TNFSF4: variants seen among roughly 807,000 people sequenced by gnomAD.
TNFSF4 encodes the protein TNF superfamily member 4.
TNFSF4 carries 4 observed loss-of-function variants against 7.3 expected under a neutral mutation model. The observed-to-expected ratio is 0.55, with a 90% CI of 0.27 to 1.25. The LOEUF (loss-of-function observed/expected upper bound fraction) is 1.25. TNFSF4 is among the 50% of genes most tolerant of loss of function. TNFSF4 has a pLI of 0.12. For missense variants in TNFSF4, 181 were observed against 208.8 expected (o/e 0.87, Z 0.82); for synonymous variants, 76 against 83.7 (o/e 0.91, Z 0.50).
the TNFSF4 span, among the ~76,000 whole-genome samples, chr1:173,439,470 C>T: frequency 2.0e-5 from 3 of 152,194 alleles, no homozygotes; most frequent in African/African-American, 7.2e-5. Context: ...AGCCTCTGCC[C>T]ACCTGCAGCA....
chr1:173,318,567 C>A, the TNFSF4 span, among the ~76,000 whole-genome samples: 42 of 152,138 alleles, frequency 2.8e-4, no homozygotes, highest in African/African-American at 9.6e-4. Context: ...CAAATTTCAA[C>A]CTCATCAATA....
At chr1:173,367,405 C>T in the TNFSF4 span, among the ~76,000 whole-genome samples, 3 of 152,274 alleles carry the variant, frequency 2.0e-5, no homozygotes, top group Non-Finnish European at 4.4e-5. Flanking sequence ...TGCAAGATCA[C>T]GTAGTAATAA....
the TNFSF4 span, among the ~76,000 whole-genome samples, chr1:173,412,380 A>T: frequency 6.6e-6 from 1 of 152,242 alleles, no homozygotes; most frequent in East Asian, 1.9e-4. Context: ...TTCGTCCTTC[A>T]AAGTCATTAA....
the TNFSF4 span, among the ~76,000 whole-genome samples, chr1:173,430,229 TATTTA>T: frequency 6.6e-6 from 1 of 152,352 alleles, no homozygotes; most frequent in African/African-American, 2.4e-5. Flanking sequence ...GAATCTTCTT[TATTTA>T]CTCAGCCAGG....
chr1:173,236,416 C>CAA, the TNFSF4 span, among the ~76,000 whole-genome samples: 1,146 of 110,042 alleles, frequency 0.01, 16 homozygotes, highest in East Asian at 0.049. Context: ...CCAGTTATTT[C>CAA]AAAAAAAAAA....
the TNFSF4 span, among the ~76,000 whole-genome samples, chr1:173,306,282 T>C: frequency 1.3e-5 from 2 of 151,872 alleles, no homozygotes. Context: ...CTCATCAACT[T>C]TAAAACTTCT....
At chr1:173,203,944 A>C (rs1242674850) in intron 1 of TNFSF4, among the ~76,000 whole-genome samples, 3 of 152,164 alleles carry the variant, frequency 2.0e-5, no homozygotes, top group African/African-American at 4.8e-5. Flanking sequence ...AACAGTGTGT[A>C]TTGGTTTTGG....
the TNFSF4 span, among the ~76,000 whole-genome samples, chr1:173,429,041 A>C: frequency 2.0e-5 from 3 of 151,808 alleles, no homozygotes; most frequent in African/African-American, 4.8e-5. Flanking sequence ...AAGAAATAAC[A>C]TATCAAATTT....
At chr1:173,279,782 C>T in the TNFSF4 span, among the ~76,000 whole-genome samples, 1 of 152,114 alleles carries the variant, frequency 6.6e-6, no homozygotes, top group African/African-American at 2.4e-5. Flanking sequence ...AGTGCTACTA[C>T]CTTTTTTCAG....
chr1:173,378,141 AG>A, the TNFSF4 span, among the ~76,000 whole-genome samples: 5 of 152,310 alleles, frequency 3.3e-5, no homozygotes, highest in Non-Finnish European at 7.4e-5. Flanking sequence ...CTTGTGGTCT[AG>A]GAGGAAAACT....
At chr1:173,448,190 C>T in the TNFSF4 span, among the ~76,000 whole-genome samples, 1 of 152,174 alleles carries the variant, frequency 6.6e-6, no homozygotes. Flanking sequence ...ACTTTCCTCT[C>T]ACAGTAATTG....
the TNFSF4 span, among the ~76,000 whole-genome samples, chr1:173,250,491 GCT>G: frequency 2.7e-5 from 4 of 146,460 alleles, no homozygotes; most frequent in African/African-American, 1.0e-4. Flanking sequence ...ACGGAGTCTC[GCT>G]CTGTCACCCG....
chr1:173,426,508 C>A, the TNFSF4 span, among the ~76,000 whole-genome samples: 7 of 152,300 alleles, frequency 4.6e-5, no homozygotes, highest in East Asian at 1.3e-3. Flanking sequence ...AGGGACTTTG[C>A]AACTATGATT....
chr1:173,199,354 T>C (rs7519632), intron 1 of TNFSF4, among the ~76,000 whole-genome samples: 5,287 of 152,270 alleles, frequency 0.035, 126 homozygotes, highest in Admixed American at 0.046. Context: ...AATAGGGTCT[T>C]TGTAGATAGA....
the TNFSF4 span, among the ~76,000 whole-genome samples, chr1:173,324,834 C>A: frequency 2.0e-5 from 3 of 152,158 alleles, no homozygotes; most frequent in Non-Finnish European, 2.9e-5. Context: ...TATATATACA[C>A]CCAATACAGG....
the TNFSF4 span, among the ~76,000 whole-genome samples, chr1:173,425,154 C>T: frequency 2.0e-5 from 3 of 152,118 alleles, no homozygotes; most frequent in Admixed American, 6.6e-5. Flanking sequence ...ATTTGATTTT[C>T]GATGATGTCT....
chr1:173,395,208 G>T, the TNFSF4 span, among the ~76,000 whole-genome samples: 29 of 151,074 alleles, frequency 1.9e-4, 1 homozygote, highest in South Asian at 5.9e-3. Context: ...TTCTGGAATT[G>T]GCTCCCTAAT....
intron 1 of TNFSF4, among the ~76,000 whole-genome samples, chr1:173,201,477 A>C (rs1649940530): frequency 6.6e-6 from 1 of 152,214 alleles, no homozygotes; most frequent in Non-Finnish European, 1.5e-5. Context: ...GCAGTATGTT[A>C]ACGGAAGCAT....
chr1:173,225,512 T>C, the TNFSF4 span, among the ~76,000 whole-genome samples: 1 of 152,240 alleles, frequency 6.6e-6, no homozygotes, highest in Admixed American at 6.5e-5. Context: ...CAAAATTTAC[T>C]AAACACTATC....
Sources: gnomAD v4.1 joint callset for allele counts (sites outside exome capture counted in the v4.1 genomes callset) on GRCh38, gnomAD v4.1.1 for gene constraint, MANE v1.5 for transcripts, NCBI Gene and HGNC (gene_info 2026-07-23, HGNC 2026-07-21) for gene names.